CADM2: variants seen among roughly 807,000 people sequenced by gnomAD.
The protein encoded by CADM2 is immunoglobulin superfamily member 4D.
CADM2 carries 12 observed loss-of-function variants against 49.8 expected under a neutral mutation model. The observed-to-expected ratio is 0.24, with a 90% CI of 0.15 to 0.39. The LOEUF (loss-of-function observed/expected upper bound fraction) is 0.39, where lower values mean the gene tolerates loss of function less well. Among genes scored for constraint, CADM2 ranks in the 10% least tolerant of loss-of-function variants. The pLI, the probability that CADM2 is intolerant of heterozygous loss-of-function variation, is 1.00. For synonymous variants in CADM2, 214 were observed against 175.4 expected, an observed-to-expected ratio of 1.22 and a Z score of -1.74; for missense variants, 378 against 492.3, an observed-to-expected ratio of 0.77 and a Z score of 2.20.
chr3:85,833,050 C>G (rs1577428599), intron 3 of CADM2, among the ~76,000 whole-genome samples: 1 of 151,880 alleles, frequency 6.6e-6, no homozygotes, highest in African/African-American at 2.4e-5. Context: ...TTTTCTGCAT[C>G]TATTTATCAA....
At chr3:85,671,316 G>A (rs2065728024) in intron 1 of CADM2, among the ~76,000 whole-genome samples, 1 of 152,192 alleles carries the variant, frequency 6.6e-6, no homozygotes, top group Non-Finnish European at 1.5e-5. Flanking sequence ...ATCCTGGAAT[G>A]GGGGTGGAGG....
At chr3:85,793,555 T>C (rs987908932) in intron 2 of CADM2, among the ~76,000 whole-genome samples, 1 of 152,212 alleles carries the variant, frequency 6.6e-6, no homozygotes, top group Non-Finnish European at 1.5e-5. Flanking sequence ...CTGTGGTGTT[T>C]GCCAACTTCC....
At chr3:85,467,956 C>A (rs2038578676) in intron 1 of CADM2, among the ~76,000 whole-genome samples, 1 of 151,862 alleles carries the variant, frequency 6.6e-6, no homozygotes. Context: ...AGATCGAGAC[C>A]ATCCCGGCTA....
intron 3 of CADM2, among the ~76,000 whole-genome samples, chr3:85,881,518 G>A (rs1012328175): frequency 6.6e-6 from 1 of 152,124 alleles, no homozygotes. Flanking sequence ...TTTATTCTAA[G>A]AAGCAGTTGC....
chr3:85,206,774 T>G (rs2041653320), intron 1 of CADM2, among the ~76,000 whole-genome samples: 1 of 151,998 alleles, frequency 6.6e-6, no homozygotes, highest in Admixed American at 6.5e-5. Context: ...ATAATAAACA[T>G]AAATACATTT....
At chr3:85,574,178 C>T (rs971270141) in intron 1 of CADM2, among the ~76,000 whole-genome samples, 3 of 152,238 alleles carry the variant, frequency 2.0e-5, no homozygotes, top group Non-Finnish European at 4.4e-5. Context: ...TAGGCCTAGA[C>T]ATTTCCTGTG....
At chr3:85,674,410 T>C (rs1045025067) in intron 1 of CADM2, among the ~76,000 whole-genome samples, 2 of 152,142 alleles carry the variant, frequency 1.3e-5, no homozygotes, top group African/African-American at 2.4e-5. Context: ...ATTTGAGCTA[T>C]GATACAATTG....
chr3:85,036,409 A>G (rs1025501397), intron 1 of CADM2, among the ~76,000 whole-genome samples: 1 of 152,192 alleles, frequency 6.6e-6, no homozygotes, highest in African/African-American at 2.4e-5. Context: ...ACGACTTAAA[A>G]TAAGCCTTTA....
At chr3:85,947,677 G>A (rs1359041836) in intron 7 of CADM2, among the ~76,000 whole-genome samples, 1 of 151,394 alleles carries the variant, frequency 6.6e-6, no homozygotes, top group East Asian at 1.9e-4. Flanking sequence ...AAACACACAA[G>A]TGATTATCTT....
At chr3:85,996,028 T>C (rs1365296331) in intron 8 of CADM2, among the ~76,000 whole-genome samples, 3 of 151,336 alleles carry the variant, frequency 2.0e-5, no homozygotes, top group African/African-American at 7.3e-5. Context: ...AGGCAGAGCT[T>C]TCAGTGAGCC....
In CADM2 at chr3:85,584,952, A is replaced by T. The variant is rs987338959; in HGVS notation, c.62-141570A>T. On this transcript the variant is annotated intron_variant, in intron 1 of 9. Transcript: ENST00000383699. ...CCTGAAGAGAGATTTGTGAAATCGG[A>T]AGTACAGTGGTCACCCTTTAGCCGC... Among the ~76,000 whole-genome samples the T allele has an allele frequency of 2.0e-5, 3 of 152,090 alleles. No homozygotes were observed. The South Asian group carries it at 6.2e-4, about 31-fold the overall frequency.
In CADM2 at chr3:86,072,211, T is replaced by C. The variant is rs1234303795; in HGVS notation, c.*5428T>C. 1 of 151,716 alleles carries C rather than the reference T, an allele frequency of 6.6e-6. No individual in the cohort carries two copies. The highest frequency in any genetic ancestry group is 1.5e-5 in the Non-Finnish European group (1 of 67,836). 9.4% of individuals were successfully genotyped at this position (151,716 alleles called of 1,614,324 possible). ...ATAATGGTTAATCTCTAAAATATGCTTAAAGTAAGATGTTTCTATGTTATG... is the reference window on the plus strand; with the variant it reads ...ATAATGGTTAATCTCTAAAATATGCCTAAAGTAAGATGTTTCTATGTTATG... On this transcript the variant is annotated 3_prime_UTR_variant, in exon 10 of 10. Coordinates refer to ENST00000383699, the MANE Select transcript of CADM2 (RefSeq NM_001167675.2).
chr3:85,420,515 G>A (rs1254507477), intron 1 of CADM2, among the ~76,000 whole-genome samples: 2 of 152,106 alleles, frequency 1.3e-5, no homozygotes, highest in East Asian at 3.9e-4. Context: ...AAAAATTATA[G>A]CCCCAACTAC....
chr3:85,475,478 A>T (rs1242548395), intron 1 of CADM2, among the ~76,000 whole-genome samples: 1 of 151,994 alleles, frequency 6.6e-6, no homozygotes, highest in African/African-American at 2.4e-5. Context: ...TATGGGAATA[A>T]ATTTTGGAAA....
intron 8 of CADM2, among the ~76,000 whole-genome samples, chr3:86,008,516 A>G (rs977255790): frequency 1.3e-5 from 2 of 152,126 alleles, no homozygotes; most frequent in Non-Finnish European, 2.9e-5. Context: ...AAAAACACCA[A>G]AAATTTTTGA....
chr3:85,324,733 T>A lies in CADM2; in HGVS notation c.61+365065T>A, dbSNP rs115219065. Reference sequence around the variant, plus strand: ...TCTGTGTGAACAAATTGTTTTATATTCCTTGTGGTTGCATTCCAATTTACA... The same window carrying A: ...TCTGTGTGAACAAATTGTTTTATATACCTTGTGGTTGCATTCCAATTTACA... On this transcript the variant is annotated intron_variant, in intron 1 of 9. Coordinates refer to ENST00000383699, the MANE Select transcript of CADM2 (RefSeq NM_001167675.2). Among the ~76,000 whole-genome samples the A allele has an allele frequency of 6.1e-3, 927 of 152,330 alleles. 6 individuals are homozygous for A. Among genetic ancestry groups the A allele is most frequent in the African/African-American group, 0.021 (878 of 41,584 alleles).
In CADM2 at chr3:85,383,549, TAC is replaced by T. The variant is rs1205273427; in HGVS notation, c.62-342971_62-342970del. On this transcript the variant is annotated intron_variant, in intron 1 of 9. Transcript: ENST00000383699. The stretch of plus-strand genomic sequence containing the variant: ...ATATATATATATATACATATATATA[TAC>T]ATATAAACATTTACCACCATCCAGT... Among the ~76,000 whole-genome samples, 18 of 146,348 alleles carry T rather than the reference TAC, an allele frequency of 1.2e-4. No individual in the cohort carries two copies. The East Asian group carries it at 3.0e-3, about 24-fold the overall frequency.
chr3:85,475,229 A>G (rs1490628597), intron 1 of CADM2, among the ~76,000 whole-genome samples: 2 of 151,934 alleles, frequency 1.3e-5, no homozygotes, highest in Non-Finnish European at 2.9e-5. Flanking sequence ...TAGATAATTG[A>G]GGTACTCAGA....
At chr3:85,815,993 T>G (rs1371742780) in intron 3 of CADM2, among the ~76,000 whole-genome samples, 2 of 152,164 alleles carry the variant, frequency 1.3e-5, no homozygotes, top group African/African-American at 4.8e-5. Flanking sequence ...CTTAACAATA[T>G]CAAAAAACTA....
Sources: allele counts gnomAD v4.1 joint callset (sites outside exome capture counted in the v4.1 genomes callset), GRCh38; gene constraint gnomAD v4.1.1; transcripts MANE v1.5; gene names NCBI Gene and HGNC (gene_info 2026-07-23, HGNC 2026-07-21).